Variants in NUPR2 observed in about 807,000 individuals in gnomAD.
NUPR2 encodes the protein nuclear protein 2, transcriptional regulator.
NUPR2 carries 14 observed loss-of-function variants against 7.3 expected under a neutral mutation model. That is an observed-to-expected ratio of 1.93 (90% CI 1.27 to 3.01). The LOEUF (loss-of-function observed/expected upper bound fraction) is 3.01. Ranked by LOEUF, NUPR2 falls within the 30% of genes most tolerant of loss-of-function variation. NUPR2 has a pLI of 0.00. For synonymous variants in NUPR2, 56 were observed against 59.7 expected, an observed-to-expected ratio of 0.94 and a Z score of 0.29; for missense variants, 162 against 143.7, an observed-to-expected ratio of 1.13 and a Z score of -0.65.
In NUPR2 at chr7:56,116,373, AC is replaced by A; in HGVS notation, c.-60del. On this transcript the variant is annotated 5_prime_UTR_variant, in exon 1 of 2. Coordinates refer to ENST00000329309, the MANE Select transcript of NUPR2 (RefSeq NM_001145712.2). Reference sequence around the variant, plus strand: ...GCCCGCGTCTGGGCGCTCCTGGAAGACCCAGCAGCCCCGCCTCGAGTTCCGA... The same window carrying A: ...GCCCGCGTCTGGGCGCTCCTGGAAGACCAGCAGCCCCGCCTCGAGTTCCGA... 1.9e-6 allele frequency: 2 copies of A among 1,055,358 alleles called. No homozygotes were observed. The highest frequency in any genetic ancestry group is 2.5e-6 in the Non-Finnish European group (2 of 786,750). The allele number at this position is 1,055,358 out of a possible 1,614,324, so 65.4% of individuals were successfully genotyped here. A position where few individuals can be genotyped will look rare whatever the true frequency, so the allele number is the denominator to read the frequency against.
At chr7:56,115,893 G>A in intron 1 of NUPR2, 122 bp downstream of exon 1, 1 of 834,784 alleles carries the variant, frequency 1.2e-6, no homozygotes, top group South Asian at 2.3e-5. Flanking sequence ...GGCGGGTGCG[G>A]TTCCCTAATA....
chr7:56,115,648 T>TATATATATA (rs1562892028), intron 1 of NUPR2, among the ~76,000 whole-genome samples: 5 of 128,330 alleles, frequency 3.9e-5, no homozygotes, highest in South Asian at 2.4e-4. Context: ...TATATATATA[T>TATATATATA]TTTAGTAGAG....
In NUPR2 at chr7:56,116,319, C is replaced by A; in HGVS notation, c.-5G>T. 1 of 1,386,484 alleles carries A rather than the reference C, an allele frequency of 7.2e-7. No homozygotes were observed. Among genetic ancestry groups the A allele is most frequent in the South Asian group, 1.6e-5 (1 of 62,246 alleles). The allele number at this position is 1,386,484 out of a possible 1,614,324, so 85.9% of individuals were successfully genotyped here. A position where few individuals can be genotyped will look rare whatever the true frequency, so the allele number is the denominator to read the frequency against. On this transcript the variant is annotated 5_prime_UTR_variant, in exon 1 of 2. Coordinates refer to ENST00000329309, the MANE Select transcript of NUPR2 (RefSeq NM_001145712.2). ...CCGCTCTGCGGGCGCTTCCATCCTG[C>A]CCAGGCCTGTGGCCACCGGCGGCCA...
intron 1 of NUPR2, among the ~76,000 whole-genome samples, 153 bp downstream of exon 1, chr7:56,115,862 A>C (rs899864013): frequency 6.6e-6 from 1 of 151,944 alleles, no homozygotes; most frequent in African/African-American, 2.4e-5. Flanking sequence ...TGCTATTGCT[A>C]TGGCCATAAG....
At chr7:56,115,625 T>TTA (rs57272607) in intron 1 of NUPR2, among the ~76,000 whole-genome samples, 2,634 of 105,172 alleles carry the variant, frequency 0.025, 184 homozygotes, top group African/African-American at 0.038. Flanking sequence ...CTGGCTAATT[T>TTA]TATATATATA....
In NUPR2 at chr7:56,116,053, G is replaced by C; in HGVS notation, c.262C>G (p.Leu88Val). The change falls in exon 1 of 2, where the codon CTG becomes GTG. Residue 88 changes from leucine (L) to valine (V), a missense_variant. By Grantham distance (32) the Leu-to-Val change is conservative. Coordinates refer to ENST00000329309, the MANE Select transcript of NUPR2 (RefSeq NM_001145712.2). ...NGQRKRRQRQ[L>V]HPKMRTRLT is the part of the protein sequence containing the mutation. The stretch of plus-strand genomic sequence containing the variant: ...AGGCGAGTGCGCATCTTGGGATGCA[G>C]CTGGCGCTGGCGGCGCTTGCGCTGG... 6.7e-7 allele frequency: 1 copy of C among 1,495,648 alleles called. No individual in the cohort carries two copies. Among genetic ancestry groups the C allele is most frequent in the Non-Finnish European group, 8.9e-7 (1 of 1,124,900 alleles). The allele number at this position is 1,495,648 out of a possible 1,614,324, so 92.6% of individuals were successfully genotyped here.
At chr7:56,115,939 G>A (rs1007397445) in intron 1 of NUPR2, 76 bp downstream of exon 1, 16 of 1,293,294 alleles carry the variant, frequency 1.2e-5, no homozygotes, top group Admixed American at 3.5e-5. Flanking sequence ...TGCCCAGGGC[G>A]AGCAGCGCCG....
In NUPR2 at chr7:56,115,429, T is replaced by TTTTG. The variant is rs1554376539; in HGVS notation, c.*7-533_*7-532insCAAA. ...TATATATATATATATATATATATAT[T>TTTTG]TGTGTGTGTGTGTGTGTGTGTGTGT... On this transcript the variant is annotated intron_variant, in intron 1 of 1. Coordinates refer to ENST00000329309, the MANE Select transcript of NUPR2 (RefSeq NM_001145712.2). Among the ~76,000 whole-genome samples the TTTTG allele has an allele frequency of 1.6e-4, 5 of 30,988 alleles. 1 individual carries two copies. Among genetic ancestry groups the TTTTG allele is most frequent in the Non-Finnish European group, 2.7e-4 (5 of 18,444 alleles). 20.3% of individuals were successfully genotyped at this position (30,988 alleles called of 152,430 possible).
intron 1 of NUPR2, among the ~76,000 whole-genome samples, chr7:56,115,455 G>T (rs61292569): frequency 0.47 from 22,705 of 48,366 alleles, 8,063 homozygotes; most frequent in African/African-American, 0.59. Flanking sequence ...GTGTGTGTGT[G>T]TGTGTGTGTG....
chr7:56,115,429 TTGTGTGTGTGTGTGTGTGTG>T (rs59426127), intron 1 of NUPR2, among the ~76,000 whole-genome samples: 10 of 30,998 alleles, frequency 3.2e-4, no homozygotes, highest in East Asian at 1.7e-3. Flanking sequence ...ATATATATAT[TTGTGTGTGTGTGTGTGTGTG>T]TGTGTGTGTG....
intron 1 of NUPR2, among the ~76,000 whole-genome samples, chr7:56,115,429 T>TATACATATATATATA (rs1554376538): frequency 3.2e-5 from 1 of 30,988 alleles, no homozygotes; most frequent in African/African-American, 1.5e-4. Flanking sequence ...ATATATATAT[T>TATACATATATATATA]TGTGTGTGTG....
chr7:56,116,002 T>C lies in NUPR2; in HGVS notation c.*6+13A>G. 1 of 1,444,152 alleles carries C rather than the reference T, an allele frequency of 6.9e-7. No individual in the cohort carries two copies. The highest frequency in any genetic ancestry group is 2.8e-5 in the East Asian group (1 of 36,198). The allele number at this position is 1,444,152 out of a possible 1,614,324, so 89.5% of individuals were successfully genotyped here. A position where few individuals can be genotyped will look rare whatever the true frequency, so the allele number is the denominator to read the frequency against. ...CCGGGGCACTGGTTGGGGGAGGTGT[T>C]GGGCGCACGTACCCAGGCTCAGGTG... On this transcript the variant is annotated intron_variant, in intron 1 of 1. Transcript: ENST00000329309.
In NUPR2 at chr7:56,115,437, G is replaced by GTATATA. The variant is rs1320810978; in HGVS notation, c.*7-541_*7-540insTATATA. On this transcript the variant is annotated intron_variant, in intron 1 of 1. Coordinates refer to ENST00000329309, the MANE Select transcript of NUPR2 (RefSeq NM_001145712.2). Reference sequence around the variant, plus strand: ...TATATATATATATATATTTGTGTGTGTGTGTGTGTGTGTGTGTGTGTGTGT... The same window carrying GTATATA: ...TATATATATATATATATTTGTGTGTGTATATATGTGTGTGTGTGTGTGTGTGTGTGT... Among the ~76,000 whole-genome samples, 11 of 14,556 alleles carry GTATATA rather than the reference G, an allele frequency of 7.6e-4. 1 individual carries two copies. The highest frequency in any genetic ancestry group is 1.1e-3 in the African/African-American group (3 of 2,648). The allele number at this position is 14,556 out of a possible 152,430, so 9.5% of individuals were successfully genotyped here. A position where few individuals can be genotyped will look rare whatever the true frequency, so the allele number is the denominator to read the frequency against.
At position 56,116,365 on chromosome 7, in the gene NUPR2, C is replaced by G. The variant is rs1016479545; in HGVS notation, c.-51G>C. 6 of 1,123,092 alleles carry G rather than the reference C, an allele frequency of 5.3e-6. No homozygotes were observed. In the African/African-American group the frequency reaches 1.1e-4, roughly 20 times the overall value. The allele number at this position is 1,123,092 out of a possible 1,614,324, so 69.6% of individuals were successfully genotyped here. On this transcript the variant is annotated 5_prime_UTR_variant, in exon 1 of 2. Transcript: ENST00000329309. ...GGCCACCTGCCCGCGTCTGGGCGCT[C>G]CTGGAAGACCCAGCAGCCCCGCCTC...
In NUPR2 at chr7:56,116,247, C is replaced by T. The variant is rs2115622145; in HGVS notation, c.68G>A (p.Ser23Asn). 3 of 1,539,822 alleles carry T rather than the reference C, an allele frequency of 1.9e-6. No individual in the cohort carries two copies. The highest frequency in any genetic ancestry group is 2.5e-5 in the East Asian group (1 of 39,412). Residue 23 changes from serine (S) to asparagine (N), a missense_variant, in exon 1 of 2, where the codon AGC becomes AAC. Physicochemically the swap from Ser to Asn is conservative, Grantham distance 46 (BLOSUM62 1). Transcript: ENST00000329309. ...QALARPPPPISYEEELYDCLD... is the reference protein window; with the variant it reads ...QALARPPPPINYEEELYDCLD... ...GCAGTCGTAAAGCTCCTCCTCGTAG[C>T]TTATGGGTGGCGGCGGCCGAGCCAG...
chr7:56,115,627 A>T (rs2160004), intron 1 of NUPR2, among the ~76,000 whole-genome samples: 44 of 23,598 alleles, frequency 1.9e-3, no homozygotes, highest in East Asian at 9.0e-3. Context: ...GGCTAATTTT[A>T]TATATATATA....
At chr7:56,115,026 C>A (rs1785516053) in intron 1 of NUPR2, 129 bp from the exon 2 acceptor site, 1 of 151,750 alleles carries the variant, frequency 6.6e-6, no homozygotes, top group Non-Finnish European at 1.5e-5. Context: ...GCCTAGACCT[C>A]CTGGATTCAA....
At chr7:56,115,429 T>TATATACGTATATATATATA (rs1554376538) in intron 1 of NUPR2, among the ~76,000 whole-genome samples, 3 of 31,000 alleles carry the variant, frequency 9.7e-5, no homozygotes, top group African/African-American at 4.4e-4. Flanking sequence ...ATATATATAT[T>TATATACGTATATATATATA]TGTGTGTGTG....
chr7:56,116,304 G>A lies in NUPR2; in HGVS notation c.11C>T (p.Pro4Leu). 2.8e-6 allele frequency: 4 copies of A among 1,452,248 alleles called. No individual in the cohort carries two copies. The highest frequency in any genetic ancestry group is 1.4e-5 in the South Asian group (1 of 71,742). The allele number at this position is 1,452,248 out of a possible 1,614,324, so 90.0% of individuals were successfully genotyped here. MEA[P>L]AERALPRLQA... ...CAGACGTGGAAGCGCCCGCTCTGCG[G>A]GCGCTTCCATCCTGCCCAGGCCTGT... The change falls in exon 1 of 2, where the codon CCC (proline) becomes CTC (leucine). Residue 4 changes from proline (P) to leucine (L), a missense_variant. Physicochemically the swap from Pro to Leu is moderately conservative, Grantham distance 98. Transcript: ENST00000329309.
Sources: allele counts gnomAD v4.1 joint callset (sites outside exome capture counted in the v4.1 genomes callset), GRCh38; gene constraint gnomAD v4.1.1; transcripts MANE v1.5; gene names NCBI Gene and HGNC (gene_info 2026-07-23, HGNC 2026-07-21).